Variants in POLK observed in about 807,000 individuals in gnomAD.
The protein encoded by POLK is polymerase (DNA directed) kappa.
POLK carries 76 observed loss-of-function variants against 94.0 expected under a neutral mutation model. The observed-to-expected ratio is 0.81, with a 90% CI of 0.67 to 0.98. The LOEUF is 0.98. Ranked by LOEUF, POLK falls within the 50% of genes least tolerant of loss-of-function variation. The probability of loss-of-function intolerance (pLI) is 0.00; values close to 1 mark genes in which losing one functional copy is unlikely to be tolerated. For missense variants in POLK, 954 were observed against 1,010.1 expected (o/e 0.94, Z 0.75); for synonymous variants, 349 against 325.4 (o/e 1.07, Z -0.78).
intron 1 of POLK, among the ~76,000 whole-genome samples, chr5:75,545,887 G>T (rs1472434764): frequency 6.6e-6 from 1 of 152,132 alleles, no homozygotes; most frequent in Non-Finnish European, 1.5e-5. Flanking sequence ...TAAGAGTCAG[G>T]TTTGTTATCT....
intron 4 of POLK, among the ~76,000 whole-genome samples, chr5:75,570,001 T>G (rs1007736389): frequency 6.6e-6 from 1 of 152,164 alleles, no homozygotes; most frequent in Non-Finnish European, 1.5e-5. Context: ...GATTCTACAT[T>G]ATGGTGAGTT....
intron 1 of POLK, chr5:75,538,540 A>T (rs537060920): frequency 6.6e-4 from 101 of 152,314 alleles, no homozygotes; most frequent in African/African-American, 2.3e-3. Flanking sequence ...AAACCAAGTT[A>T]TAGTATCTCA....
intron 1 of POLK, among the ~76,000 whole-genome samples, chr5:75,520,892 A>G (rs941600779): frequency 6.6e-6 from 1 of 152,176 alleles, no homozygotes; most frequent in Non-Finnish European, 1.5e-5. Flanking sequence ...TGAATATAAT[A>G]TTCTTCAATG....
exon 13 of POLK, chr5:75,596,435 A>G (rs1581110097): frequency 1.2e-6 from 2 of 1,613,650 alleles, no homozygotes; most frequent in Non-Finnish European, 1.7e-6. Flanking sequence ...AGTCACCAAG[A>G]TACATTTAAA....
At chr5:75,530,245 CTTTTTT>C (rs575507126) in intron 1 of POLK, among the ~76,000 whole-genome samples, 1 of 95,942 alleles carries the variant, frequency 1.0e-5, no homozygotes, top group Admixed American at 1.1e-4. Flanking sequence ...ATTTGTATTT[CTTTTTT>C]TTTTTTTTTT....
chr5:75,595,165 T>TCG (rs1313151822), intron 12 of POLK, among the ~76,000 whole-genome samples: 1 of 143,180 alleles, frequency 7.0e-6, no homozygotes, highest in Non-Finnish European at 1.5e-5. Context: ...GGCAGGAGAA[T>TCG]CGCTTGAACC....
At chr5:75,551,639 T>C (rs564266661) in intron 2 of POLK, among the ~76,000 whole-genome samples, 1 of 152,042 alleles carries the variant, frequency 6.6e-6, no homozygotes, top group Non-Finnish European at 1.5e-5. Flanking sequence ...ATCAGGGAAA[T>C]AAAAATTTAA....
At chr5:75,533,080 T>G (rs1226669359) in intron 1 of POLK, among the ~76,000 whole-genome samples, 1 of 152,204 alleles carries the variant, frequency 6.6e-6, no homozygotes, top group Non-Finnish European at 1.5e-5. Context: ...CAGAACCTCT[T>G]TAGTTTAATT....
chr5:75,511,043 C>G (rs1767951361), upstream of POLK: 1 of 1,456,002 alleles, frequency 6.9e-7, no homozygotes, highest in African/African-American at 1.4e-5. Context: ...CCCCACCCCA[C>G]CGCCTCAGCG....
At chr5:75,536,841 G>A (rs1769468720) in intron 1 of POLK, among the ~76,000 whole-genome samples, 1 of 151,974 alleles carries the variant, frequency 6.6e-6, no homozygotes, top group South Asian at 2.1e-4. Flanking sequence ...CTGCTGGGCT[G>A]GAAGCTCTCA....
At chr5:75,591,702 T>C (rs1190658175) in intron 11 of POLK, among the ~76,000 whole-genome samples, 1 of 152,314 alleles carries the variant, frequency 6.6e-6, no homozygotes. Flanking sequence ...TCCTGGTCTG[T>C]GATAGTTTCT....
chr5:75,609,591 A>G, the POLK span: 1 of 152,212 alleles, frequency 6.6e-6, no homozygotes, highest in South Asian at 2.1e-4. Context: ...AACATGCTAC[A>G]TATACATATA....
chr5:75,599,644 T>C (rs1680227845), exon 15 of POLK: 1 of 152,208 alleles, frequency 6.6e-6, no homozygotes, highest in Non-Finnish European at 1.5e-5. Flanking sequence ...TTTAATGTAC[T>C]GAAAGGTAAA....
At position 75,573,737 on chromosome 5, in the gene POLK, G is replaced by A. The variant is rs1561387184; in HGVS notation, c.409-1G>A. The A allele has an allele frequency of 6.2e-7, 1 of 1,612,170 alleles. No homozygotes were observed. Among genetic ancestry groups the A allele is most frequent in the South Asian group, 1.1e-5 (1 of 91,030 alleles). ...TTTCCATGTGGTCAATTTTCTTTCAGTCTACTTCAAATTACCATGCAAGGA... is the reference window on the plus strand; with the variant it reads ...TTTCCATGTGGTCAATTTTCTTTCAATCTACTTCAAATTACCATGCAAGGA... On this transcript the variant is annotated splice_acceptor_variant, in intron 4 of 14. Coordinates refer to ENST00000241436, the Ensembl canonical transcript of POLK. LOFTEE classifies it high-confidence loss of function.
At chr5:75,584,900 G>C in exon 9 of POLK, 1 of 1,602,254 alleles carries the variant, frequency 6.2e-7, no homozygotes, top group Non-Finnish European at 8.5e-7. Flanking sequence ...ATATCTCCTT[G>C]GGTCTAGGTT....
At chr5:75,583,527 AAAAGCAAG>A in intron 8 of POLK, 110 bp downstream of exon 8, 1 of 562,434 alleles carries the variant, frequency 1.8e-6, no homozygotes, top group Non-Finnish European at 2.9e-6. Context: ...AATAATAGAT[AAAAGCAAG>A]AACTATAATG....
chr5:75,523,210 ATAT>A (rs5744559), intron 1 of POLK, among the ~76,000 whole-genome samples: 2,200 of 152,298 alleles, frequency 0.014, 45 homozygotes, highest in African/African-American at 0.049. Context: ...AAAATAGAAA[ATAT>A]TATATATGAT....
intron 1 of POLK, among the ~76,000 whole-genome samples, chr5:75,527,502 T>TATACACACAC (rs555220325): frequency 0.01 from 1,377 of 132,974 alleles, 10 homozygotes; most frequent in African/African-American, 0.021. Context: ...AATTTATATA[T>TATACACACAC]ACACACACAC....
chr5:75,532,159 A>G (rs1769213166), intron 1 of POLK, among the ~76,000 whole-genome samples: 1 of 152,160 alleles, frequency 6.6e-6, no homozygotes, highest in Admixed American at 6.5e-5. Flanking sequence ...ATTGCATGCC[A>G]TGGGGTATGG....
Sources: gnomAD v4.1 joint callset for allele counts (sites outside exome capture counted in the v4.1 genomes callset) on GRCh38, gnomAD v4.1.1 for gene constraint, MANE v1.5 for transcripts, NCBI Gene and HGNC (gene_info 2026-07-23, HGNC 2026-07-21) for gene names.